The following BICD1 variants were observed in gnomAD, a reference collection of about 807,000 sequenced individuals.
The protein encoded by BICD1 is BICD cargo adaptor 1, also known as protein bicaudal D homolog 1.
A neutral mutation model predicts 92.5 loss-of-function variants in BICD1; 35 were observed. That is an observed-to-expected ratio of 0.38 (90% CI 0.29 to 0.50). BICD1 has a LOEUF of 0.50. BICD1 is among the 20% of genes least tolerant of loss of function. The probability of loss-of-function intolerance (pLI) is 0.93; values close to 1 mark genes in which losing one functional copy is unlikely to be tolerated. For synonymous variants in BICD1, 429 were observed against 465.1 expected, an observed-to-expected ratio of 0.92 and a Z score of 1.00; for missense variants, 950 against 1,189.8, an observed-to-expected ratio of 0.80 and a Z score of 2.97.
At chr12:32,294,271 T>C (rs930779084) in intron 3 of BICD1, 125 bp downstream of exon 3, 1 of 972,374 alleles carries the variant, frequency 1.0e-6, no homozygotes, top group Non-Finnish European at 1.5e-6. Context: ...AACATTTATG[T>C]ACTGCAATGT....
At chr12:32,122,261 A>T (rs866305079) in intron 1 of BICD1, among the ~76,000 whole-genome samples, 8 of 152,048 alleles carry the variant, frequency 5.3e-5, no homozygotes, top group Non-Finnish European at 1.2e-4. Flanking sequence ...CCTAACACAG[A>T]TCGAGACCAT....
intron 1 of BICD1, among the ~76,000 whole-genome samples, chr12:32,150,624 C>T (rs1304186656): frequency 6.6e-6 from 1 of 152,164 alleles, no homozygotes; most frequent in Non-Finnish European, 1.5e-5. Context: ...CTTTTCCATG[C>T]TATAGACGGG....
intron 1 of BICD1, among the ~76,000 whole-genome samples, chr12:32,173,343 C>A (rs1944005050): frequency 6.6e-6 from 1 of 152,202 alleles, no homozygotes; most frequent in Non-Finnish European, 1.5e-5. Flanking sequence ...AGCCACCGTG[C>A]CCGGCCCAGG....
rs923333399 is a variant in BICD1, at chr12:32,231,960, G to A, written c.426+15501G>A. On this transcript the variant is annotated intron_variant, in intron 2 of 9. Transcript: ENST00000652176. ...GCATAGTATTCCATGGTGTATGTGT[G>A]CCACATTTTCTTAATCCAGTCTATC... Among the ~76,000 whole-genome samples, 5 of 151,182 alleles carry A rather than the reference G, an allele frequency of 3.3e-5. No individual in the cohort carries two copies. In the East Asian group the frequency reaches 5.9e-4, roughly 18 times the overall value.
chr12:32,253,722 A>G (rs1946625450), intron 2 of BICD1, among the ~76,000 whole-genome samples: 1 of 152,098 alleles, frequency 6.6e-6, no homozygotes, highest in African/African-American at 2.4e-5. Context: ...TTTCCCTCTA[A>G]CTGCAATACA....
intron 5 of BICD1, among the ~76,000 whole-genome samples, chr12:32,329,659 G>T (rs1482776160): frequency 6.6e-6 from 1 of 152,164 alleles, no homozygotes; most frequent in Non-Finnish European, 1.5e-5. Flanking sequence ...TGAAATTTAG[G>T]TTCATTTGGG....
At chr12:32,110,846 G>A (rs1941659342) in intron 1 of BICD1, among the ~76,000 whole-genome samples, 1 of 122,610 alleles carries the variant, frequency 8.2e-6, no homozygotes, top group African/African-American at 3.1e-5. Flanking sequence ...GTGGGGTGGG[G>A]GGAGGGGGGA....
chr12:32,298,022 C>A (rs1947921469), intron 3 of BICD1, among the ~76,000 whole-genome samples: 1 of 151,422 alleles, frequency 6.6e-6, no homozygotes, highest in South Asian at 2.1e-4. Flanking sequence ...TCTCTACCAA[C>A]AACAAAAAAA....
At chr12:32,256,996 C>T (rs1946737437) in intron 2 of BICD1, among the ~76,000 whole-genome samples, 1 of 152,072 alleles carries the variant, frequency 6.6e-6, no homozygotes, top group Non-Finnish European at 1.5e-5. Context: ...GGGCGGATCA[C>T]AAGTTCAAGA....
At chr12:32,172,541 A>G (rs1943975915) in intron 1 of BICD1, among the ~76,000 whole-genome samples, 1 of 152,168 alleles carries the variant, frequency 6.6e-6, no homozygotes, top group African/African-American at 2.4e-5. Context: ...CTTGCCCCCT[A>G]TTCTCTTATC....
intron 5 of BICD1, among the ~76,000 whole-genome samples, chr12:32,331,239 A>G (rs748843403): frequency 1.9e-4 from 29 of 152,136 alleles, no homozygotes; most frequent in Non-Finnish European, 3.4e-4. Context: ...TTGATTACAT[A>G]TTTTCTGGGA....
intron 2 of BICD1, among the ~76,000 whole-genome samples, chr12:32,223,972 A>G (rs2121575892): frequency 6.6e-6 from 1 of 152,372 alleles, no homozygotes; most frequent in East Asian, 1.9e-4. Context: ...AATATAACAG[A>G]TAAAATAATA....
intron 1 of BICD1, among the ~76,000 whole-genome samples, chr12:32,213,887 C>A (rs928733401): frequency 2.0e-5 from 3 of 152,190 alleles, no homozygotes; most frequent in African/African-American, 7.2e-5. Context: ...TGTTTCTCAT[C>A]ATACTTTTGC....
chr12:32,334,694 G>A, intron 6 of BICD1, 27 bp downstream of exon 6: 1 of 1,593,082 alleles, frequency 6.3e-7, no homozygotes, highest in Non-Finnish European at 8.5e-7. Flanking sequence ...CCTATGACTG[G>A]GTGTGGTAGG....
intron 2 of BICD1, among the ~76,000 whole-genome samples, chr12:32,244,068 T>A (rs1378247792): frequency 6.6e-6 from 1 of 152,178 alleles, no homozygotes; most frequent in Non-Finnish European, 1.5e-5. Flanking sequence ...GTAAGAAGAC[T>A]CATTCTTTAT....
intron 8 of BICD1, among the ~76,000 whole-genome samples, chr12:32,349,690 G>A (rs1032614462): frequency 6.6e-6 from 1 of 151,856 alleles, no homozygotes; most frequent in African/African-American, 2.4e-5. Flanking sequence ...CCAAGAAAAG[G>A]GAATGTTTCT....
chr12:32,273,094 T>C (rs1947184811), intron 2 of BICD1, among the ~76,000 whole-genome samples: 1 of 152,212 alleles, frequency 6.6e-6, no homozygotes, highest in Non-Finnish European at 1.5e-5. Context: ...TTGACACCTC[T>C]GTTTCACTTT....
rs539108963 is a variant in BICD1 at position 32,348,139 on chromosome 12, C to T, written c.2764+9160C>T. Among the ~76,000 whole-genome samples the T allele has an allele frequency of 3.3e-5, 5 of 152,266 alleles. No individual in the cohort carries two copies. In the South Asian group the frequency reaches 1.0e-3, roughly 32 times the overall value. ...TTTTGTTTTTGTTTACTGTTCTCTC[C>T]TCTGTCCAGTATTCCTGTCCAGAAA... On this transcript the variant is annotated intron_variant, in intron 8 of 9. Transcript: ENST00000652176.
chr12:32,302,680 C>A (rs970483491), intron 3 of BICD1, among the ~76,000 whole-genome samples: 1 of 152,096 alleles, frequency 6.6e-6, no homozygotes, highest in East Asian at 1.9e-4. Context: ...GAAACTCCTA[C>A]TTGATTAGAA....
Sources: gnomAD v4.1 joint callset for allele counts (sites outside exome capture counted in the v4.1 genomes callset) on GRCh38, gnomAD v4.1.1 for gene constraint, MANE v1.5 for transcripts, NCBI Gene and HGNC (gene_info 2026-07-23, HGNC 2026-07-21) for gene names.